KIF6: variants seen among roughly 807,000 people sequenced by gnomAD.
KIF6 encodes kinesin-like protein KIF6.
KIF6 carries 106 observed loss-of-function variants against 112.7 expected under a neutral mutation model. The ratio of observed to expected loss-of-function variants is 0.94; its 90% CI spans 0.80 to 1.11. The LOEUF is 1.11. Ranked by LOEUF, KIF6 falls within the 50% of genes least tolerant of loss-of-function variation. The pLI is 0.00. For missense variants in KIF6, 929 were observed against 964.0 expected (o/e 0.96, Z 0.48); for synonymous variants, 339 against 339.9 (o/e 1.00, Z 0.03).
At chr6:39,585,545 T>C (rs1277168757) in intron 8 of KIF6, among the ~76,000 whole-genome samples, 1 of 152,184 alleles carries the variant, frequency 6.6e-6, no homozygotes, top group African/African-American at 2.4e-5. Flanking sequence ...TGACAAAAAG[T>C]GAGAGATCAC....
In KIF6 at chr6:39,551,967, C is replaced by T. The variant is rs191606300; in HGVS notation, c.1182-6279G>A. ...TCGACTGGACCAACTTTATAGGAAT[C>T]GGCTATGAGACTTTTGAAAATATAG... On this transcript the variant is annotated intron_variant, in intron 10 of 22. Coordinates refer to ENST00000287152, the MANE Select transcript of KIF6 (RefSeq NM_145027.6). Among the ~76,000 whole-genome samples, 48 of 152,340 alleles carry T rather than the reference C, an allele frequency of 3.2e-4. No individual in the cohort carries two copies. The South Asian group carries it at 8.5e-3, about 27-fold the overall frequency.
At chr6:39,627,341 C>G (rs1391883929) in intron 5 of KIF6, among the ~76,000 whole-genome samples, 1 of 151,960 alleles carries the variant, frequency 6.6e-6, no homozygotes, top group African/African-American at 2.4e-5. Context: ...TTTTTTGGCT[C>G]TCTTACAATG....
intron 13 of KIF6, among the ~76,000 whole-genome samples, chr6:39,513,114 T>C (rs993234141): frequency 6.6e-6 from 1 of 152,206 alleles, no homozygotes; most frequent in Non-Finnish European, 1.5e-5. Flanking sequence ...TCATGTTTGT[T>C]GTTCTGTTCA....
chr6:39,384,247 G>A (rs943076031), intron 16 of KIF6, among the ~76,000 whole-genome samples: 6 of 152,310 alleles, frequency 3.9e-5, no homozygotes, highest in Non-Finnish European at 5.9e-5. Flanking sequence ...GGCAGCCCTT[G>A]GGGACAACTC....
At chr6:39,454,540 A>C (rs545891594) in intron 13 of KIF6, among the ~76,000 whole-genome samples, 78 of 151,868 alleles carry the variant, frequency 5.1e-4, no homozygotes, top group Admixed American at 1.4e-3. Flanking sequence ...TCAAAAAAAA[A>C]AAAAAAAAAA....
chr6:39,710,917 C>T (rs533097696), intron 3 of KIF6, among the ~76,000 whole-genome samples: 6 of 151,908 alleles, frequency 3.9e-5, no homozygotes, highest in East Asian at 3.9e-4. Context: ...TTCAACTACT[C>T]GGGAGGCCTT....
At chr6:39,611,649 T>A (rs1306115827) in intron 6 of KIF6, among the ~76,000 whole-genome samples, 2 of 152,214 alleles carry the variant, frequency 1.3e-5, no homozygotes, top group Non-Finnish European at 2.9e-5. Context: ...GTTTTCCTTA[T>A]AGAAGTTTAT....
At position 39,675,513 on chromosome 6, in the gene KIF6, A is replaced by G. The variant is rs147102040; in HGVS notation, c.252-35756T>C. On this transcript the variant is annotated intron_variant, in intron 3 of 22. Coordinates refer to ENST00000287152, the MANE Select transcript of KIF6 (RefSeq NM_145027.6). ...GCAGAAGCAAAAATAAATCTACTCT[A>G]TAGTGATGTGCCCATAAACTAGCAG... is the stretch of plus-strand genomic sequence containing the variant. Among the ~76,000 whole-genome samples the G allele has an allele frequency of 1.9e-3, 286 of 152,260 alleles. 1 individual carries two copies. The highest frequency in any genetic ancestry group is 6.7e-3 in the African/African-American group (280 of 41,560).
intron 16 of KIF6, among the ~76,000 whole-genome samples, chr6:39,366,866 C>G (rs999945742): frequency 2.6e-5 from 4 of 151,224 alleles, no homozygotes; most frequent in Non-Finnish European, 5.9e-5. Flanking sequence ...TGGGCTCGAT[C>G]TATTCCTTTG....
intron 13 of KIF6, among the ~76,000 whole-genome samples, chr6:39,533,884 C>G (rs1347697404): frequency 1.3e-5 from 2 of 152,222 alleles, no homozygotes; most frequent in Non-Finnish European, 2.9e-5. Context: ...AACGATCAGA[C>G]AGCAGCACTT....
intron 15 of KIF6, among the ~76,000 whole-genome samples, chr6:39,405,235 G>A (rs1244349298): frequency 6.6e-6 from 1 of 152,066 alleles, no homozygotes; most frequent in African/African-American, 2.4e-5. Context: ...GCAGTGTCTA[G>A]GACTTTCAGT....
intron 3 of KIF6, among the ~76,000 whole-genome samples, chr6:39,671,265 A>G (rs1786801909): frequency 6.6e-6 from 1 of 152,212 alleles, no homozygotes; most frequent in Admixed American, 6.5e-5. Flanking sequence ...GTATTTGTAG[A>G]CTCAATATTT....
chr6:39,581,507 G>A (rs1781295172), intron 9 of KIF6, among the ~76,000 whole-genome samples: 1 of 151,836 alleles, frequency 6.6e-6, no homozygotes, highest in Non-Finnish European at 1.5e-5. Flanking sequence ...AGACTAAAGG[G>A]GTTATGTAAA....
intron 22 of KIF6, among the ~76,000 whole-genome samples, chr6:39,340,891 G>A (rs1363073544): frequency 6.6e-6 from 1 of 152,104 alleles, no homozygotes; most frequent in Non-Finnish European, 1.5e-5. Context: ...GGTTTCTATG[G>A]ATTTGTTACA....
intron 5 of KIF6, among the ~76,000 whole-genome samples, chr6:39,623,000 G>A (rs958062919): frequency 6.6e-6 from 1 of 152,152 alleles, no homozygotes; most frequent in Admixed American, 6.5e-5. Flanking sequence ...AGACTATTTG[G>A]TTAAGCCATT....
At chr6:39,429,684 C>T (rs1030184070) in intron 14 of KIF6, among the ~76,000 whole-genome samples, 13 of 152,220 alleles carry the variant, frequency 8.5e-5, no homozygotes, top group South Asian at 2.1e-4. Flanking sequence ...CCAAGGTGGG[C>T]GGAACACGAG....
At chr6:39,492,041 A>C (rs1286948266) in intron 13 of KIF6, among the ~76,000 whole-genome samples, 1 of 152,214 alleles carries the variant, frequency 6.6e-6, no homozygotes, top group African/African-American at 2.4e-5. Flanking sequence ...TCTTGAGTTA[A>C]GAAATGGCTT....
At chr6:39,593,410 C>T (rs1280080245) in intron 7 of KIF6, among the ~76,000 whole-genome samples, 4 of 152,172 alleles carry the variant, frequency 2.6e-5, no homozygotes, top group Admixed American at 1.3e-4. Flanking sequence ...AATTTCTCTT[C>T]TACCGACCTA....
chr6:39,455,506 C>T (rs1465273478), intron 13 of KIF6, among the ~76,000 whole-genome samples: 2 of 152,066 alleles, frequency 1.3e-5, no homozygotes, highest in East Asian at 1.9e-4. Context: ...AGCAACGGAA[C>T]AAAGCTGGAT....
Sources: allele counts gnomAD v4.1 joint callset (sites outside exome capture counted in the v4.1 genomes callset), GRCh38; gene constraint gnomAD v4.1.1; transcripts MANE v1.5; gene names NCBI Gene and HGNC (gene_info 2026-07-23, HGNC 2026-07-21).